SLC46A3: variants seen among roughly 807,000 people sequenced by gnomAD.
The protein encoded by SLC46A3 is lysosomal proton-coupled steroid conjugate and bile acid symporter SLC46A3.
Under a neutral mutation model 38.5 loss-of-function variants are expected in SLC46A3, and 26 were observed. The ratio of observed to expected loss-of-function variants is 0.68; its 90% confidence interval spans 0.49 to 0.94. The LOEUF (loss-of-function observed/expected upper bound fraction) is 0.94. Ranked by LOEUF, SLC46A3 falls within the 40% of genes least tolerant of loss-of-function variation. The probability of loss-of-function intolerance (pLI) is 0.00; values close to 1 mark genes in which losing one functional copy is unlikely to be tolerated. For synonymous variants in SLC46A3, 185 were observed against 192.5 expected, an observed-to-expected ratio of 0.96 and a Z score of 0.32; for missense variants, 510 against 544.3, an observed-to-expected ratio of 0.94 and a Z score of 0.63.
At chr13:28,712,144 A>T (rs1444206347) in intron 3 of SLC46A3, among the ~76,000 whole-genome samples, 1 of 152,208 alleles carries the variant, frequency 6.6e-6, no homozygotes, top group African/African-American at 2.4e-5. Flanking sequence ...CTGCAAAAAC[A>T]GTTATAAGGT....
chr13:28,701,705 G>A, intron 5 of SLC46A3, 124 bp from the exon 6 acceptor site: 1 of 834,028 alleles, frequency 1.2e-6, no homozygotes, highest in Non-Finnish European at 1.9e-6. Flanking sequence ...ATTAGGAGGA[G>A]TATCCTGGCA....
chr13:28,711,878 T>C (rs889639269), intron 3 of SLC46A3, among the ~76,000 whole-genome samples: 19 of 152,212 alleles, frequency 1.2e-4, no homozygotes, highest in African/African-American at 4.6e-4. Flanking sequence ...TAATGTTCAC[T>C]GTAATCCTCT....
rs1322198755 is a variant in SLC46A3 at position 28,717,484 on chromosome 13, A to AATTTTTTTTTTTTTT, written c.189+325_189+326insAAAAAAAAAAAAAAT. 5.0e-3 allele frequency among the ~76,000 whole-genome samples: 467 copies of AATTTTTTTTTTTTTT among 93,910 alleles called. 71 individuals carry two copies. Among genetic ancestry groups the AATTTTTTTTTTTTTT allele is most frequent in the South Asian group, 6.5e-3 (12 of 1,838 alleles). 61.6% of individuals were successfully genotyped at this position (93,910 alleles called of 152,430 possible). On this transcript the variant is annotated intron_variant, in intron 2 of 5. Transcript: ENST00000266943. ...CAGCCTGCCCTGCCCCAATTTTCAG[A>AATTTTTTTTTTTTTT]CTTTTTTTTTTTTTTTTTTTTTTTT...
chr13:28,711,428 A>G (rs1335684713), intron 3 of SLC46A3, among the ~76,000 whole-genome samples: 2 of 149,426 alleles, frequency 1.3e-5, no homozygotes, highest in African/African-American at 5.0e-5. Flanking sequence ...ATCTCAAAGA[A>G]AAAAAAAAAA....
rs994685210 is a variant in SLC46A3 at position 28,718,833 on chromosome 13, G to A, written c.-362C>T. 2 of 152,498 alleles carry A rather than the reference G, an allele frequency of 1.3e-5. No homozygotes were observed. Among genetic ancestry groups the A allele is most frequent in the East Asian group, 1.9e-4 (1 of 5,190 alleles). 9.4% of individuals were successfully genotyped at this position (152,498 alleles called of 1,614,324 possible). A position where few individuals can be genotyped will look rare whatever the true frequency, so the allele number is the denominator to read the frequency against. On this transcript the variant is annotated 5_prime_UTR_variant, in exon 1 of 6. Transcript: ENST00000266943. ...CGCGGCCCTGCGGACCTCGGCCTCA[G>A]CGCGGCGCGGCGGGGCGCGGAGCAG...
chr13:28,701,388 A>T lies in SLC46A3; in HGVS notation c.*109T>A. 6.7e-7 allele frequency: 1 copy of T among 1,499,066 alleles called. No homozygotes were observed. The allele number at this position is 1,499,066 out of a possible 1,614,324, so 92.9% of individuals were successfully genotyped here. Reference sequence around the variant, plus strand: ...GTTCAGTTTAGAAGAAAAGATAGGTAAAATTGGTTCTCAGTGAAGCACTGA... The same window carrying T: ...GTTCAGTTTAGAAGAAAAGATAGGTTAAATTGGTTCTCAGTGAAGCACTGA... On this transcript the variant is annotated 3_prime_UTR_variant, in exon 6 of 6. Transcript: ENST00000266943.
At chr13:28,711,132 A>T (rs1367048082) in intron 3 of SLC46A3, among the ~76,000 whole-genome samples, 2 of 152,198 alleles carry the variant, frequency 1.3e-5, no homozygotes, top group African/African-American at 4.8e-5. Flanking sequence ...GCCGATTAAG[A>T]CTGATCTGCT....
chr13:28,701,199 A>G lies in SLC46A3; in HGVS notation c.*298T>C. The G allele has an allele frequency of 7.2e-7, 1 of 1,395,656 alleles. No individual in the cohort carries two copies. The highest frequency in any genetic ancestry group is 9.3e-7 in the Non-Finnish European group (1 of 1,076,068). 86.5% of individuals were successfully genotyped at this position (1,395,656 alleles called of 1,614,324 possible). A position where few individuals can be genotyped will look rare whatever the true frequency, so the allele number is the denominator to read the frequency against. On this transcript the variant is annotated 3_prime_UTR_variant, in exon 6 of 6. Coordinates refer to ENST00000266943, the MANE Select transcript of SLC46A3 (RefSeq NM_181785.4). ...GCTTTTGACCTTATCAAGTTTCTTGATCCCTCCTTACACCCTTAAGTTTTA... is the reference window on the plus strand; with the variant it reads ...GCTTTTGACCTTATCAAGTTTCTTGGTCCCTCCTTACACCCTTAAGTTTTA...
intron 5 of SLC46A3, among the ~76,000 whole-genome samples, chr13:28,702,577 T>C (rs147053605): frequency 2.6e-5 from 4 of 152,348 alleles, no homozygotes; most frequent in African/African-American, 9.6e-5. Context: ...AGTTGTCTCA[T>C]GTGCTTACCA....
rs746749168 is a variant in SLC46A3 at position 28,713,125 on chromosome 13, C to CA, written c.614dup (p.Ser206ValfsTer5). On this transcript the variant is annotated frameshift_variant, in exon 3 of 6. Transcript: ENST00000266943. LOFTEE classifies it high-confidence loss of function. ...TATAGATCAAATTAACAGCAAGAGACACAGCAATAATTAGAAACGACCACT... is the reference window on the plus strand; with the variant it reads ...TATAGATCAAATTAACAGCAAGAGACAACAGCAATAATTAGAAACGACCACT... 17 of 1,613,720 alleles carry CA rather than the reference C, an allele frequency of 1.1e-5. No homozygotes were observed. The highest frequency in any genetic ancestry group is 1.7e-5 in the Admixed American group (1 of 60,004).
At position 28,717,963 on chromosome 13, in the gene SLC46A3, A is replaced by G. The variant is rs1885582032; in HGVS notation, c.36T>C (p.Leu12=). The G allele has an allele frequency of 1.9e-6, 3 of 1,613,468 alleles. No individual in the cohort carries two copies. Among genetic ancestry groups the G allele is most frequent in the African/African-American group, 1.3e-5 (1 of 74,900 alleles). The change falls in exon 2 of 6, where the codon CTT becomes CTC. Residue 12 remains leucine (L), a synonymous_variant. Coordinates refer to ENST00000266943, the MANE Select transcript of SLC46A3 (RefSeq NM_181785.4). ...CGGTCAAAGTCATAGCAAATGCACT[A>G]AGGAAAATGGCAGGTTCTACAAATA... The part of the protein sequence containing the change: ...KILFVEPAIF[L]SAFAMTLTGP...
At chr13:28,707,801 G>A (rs1166734725) in intron 4 of SLC46A3, among the ~76,000 whole-genome samples, 4 of 151,896 alleles carry the variant, frequency 2.6e-5, no homozygotes, top group African/African-American at 9.7e-5. Context: ...TCATCACCCC[G>A]AAAAGAAACT....
In SLC46A3 at chr13:28,704,116, TAG is replaced by T; in HGVS notation, c.1145-19_1145-18del. On this transcript the variant is annotated intron_variant, in intron 4 of 5. Transcript: ENST00000266943. ...ACAGGGTACCTGTTTGGAGTAGGGATAGAGAGAGAGGAAAAAAAAAAGGCAGA... is the reference window on the plus strand; with the variant it reads ...ACAGGGTACCTGTTTGGAGTAGGGATAGAGAGAGGAAAAAAAAAAGGCAGA... 6.4e-7 allele frequency: 1 copy of T among 1,559,994 alleles called. No individual in the cohort carries two copies. Among genetic ancestry groups the T allele is most frequent in the Non-Finnish European group, 8.6e-7 (1 of 1,158,904 alleles).
intron 5 of SLC46A3, among the ~76,000 whole-genome samples, chr13:28,703,476 C>T (rs963224343): frequency 4.6e-5 from 7 of 152,122 alleles, no homozygotes; most frequent in African/African-American, 1.7e-4. Flanking sequence ...GTTCTTCACC[C>T]ATGTCACTCT....
chr13:28,709,548 C>T (rs1235607247), intron 4 of SLC46A3, among the ~76,000 whole-genome samples: 1 of 152,074 alleles, frequency 6.6e-6, no homozygotes, highest in African/African-American at 2.4e-5. Context: ...GGAGGACAAG[C>T]CCATATGCCT....
chr13:28,717,334 GC>G (rs1265038820), intron 2 of SLC46A3, among the ~76,000 whole-genome samples: 7 of 151,998 alleles, frequency 4.6e-5, no homozygotes, highest in African/African-American at 1.7e-4. Flanking sequence ...TCAGTGATGG[GC>G]CACTTTCTAG....
rs768740472 is a variant in SLC46A3, at chr13:28,717,867, A to G, written c.132T>C (p.Asp44=). 5 of 1,613,970 alleles carry G rather than the reference A, an allele frequency of 3.1e-6. No homozygotes were observed. Among genetic ancestry groups the G allele is most frequent in the Non-Finnish European group, 4.2e-6 (5 of 1,180,036 alleles). Residue 44 remains aspartate (D), a synonymous_variant, in exon 2 of 6, where the codon GAT becomes GAC. Coordinates refer to ENST00000266943, the MANE Select transcript of SLC46A3 (RefSeq NM_181785.4). ...EETGNYTFSS[D]SNISECEKNK... ...TTTTTTCACACTCAGAAATATTGCTATCAGATGAAAAAGTGTAGTTGCCAG... is the reference window on the plus strand; with the variant it reads ...TTTTTTCACACTCAGAAATATTGCTGTCAGATGAAAAAGTGTAGTTGCCAG...
Position 28,704,837 on chromosome 13 carries a change from C to T in SLC46A3, c.1145-738G>A, listed in dbSNP as rs547782521. The stretch of plus-strand genomic sequence containing the variant: ...ACTGCCTCTGCCCTAAGGTGCCTTA[C>T]AAGATGAAGAGTGGGGATTCTGCTA... On this transcript the variant is annotated intron_variant, in intron 4 of 5. Coordinates refer to ENST00000266943, the MANE Select transcript of SLC46A3 (RefSeq NM_181785.4). Among the ~76,000 whole-genome samples, 6 of 152,306 alleles carry T rather than the reference C, an allele frequency of 3.9e-5. No homozygotes were observed. The East Asian group carries it at 5.8e-4, about 15-fold the overall frequency.
chr13:28,712,642 A>T (rs937005546), intron 3 of SLC46A3, 38 bp downstream of exon 3: 5 of 1,507,888 alleles, frequency 3.3e-6, no homozygotes, highest in East Asian at 4.6e-5. Flanking sequence ...ATGAATATCA[A>T]ATACATAGTT....
Sources: gnomAD v4.1 joint callset for allele counts (sites outside exome capture counted in the v4.1 genomes callset) on GRCh38, gnomAD v4.1.1 for gene constraint, MANE v1.5 for transcripts, NCBI Gene and HGNC (gene_info 2026-07-23, HGNC 2026-07-21) for gene names.